FAAH2: variants seen among roughly 807,000 people sequenced by gnomAD.
FAAH2 encodes fatty-acid amide hydrolase 2.
FAAH2 carries 60 observed loss-of-function variants against 36.9 expected under a neutral mutation model. The observed-to-expected ratio is 1.63, with a 90% CI of 1.32 to 2.02. The LOEUF is 2.02. FAAH2 is among the 30% of genes most tolerant of loss of function. FAAH2 has a pLI of 0.00. For missense variants in FAAH2, 689 were observed against 397.5 expected (o/e 1.73, Z -6.23); for synonymous variants, 214 against 143.8 (o/e 1.49, Z -3.49).
intron 7 of FAAH2, among the ~76,000 whole-genome samples, chrX:57,383,569 C>T (rs1380718322): frequency 8.9e-6 from 1 of 111,738 alleles, no homozygotes; most frequent in African/African-American, 3.3e-5. Flanking sequence ...AACTCCCATT[C>T]ACAATTGCTT....
chrX:57,148,480 C>T, the FAAH2 span, among the ~76,000 whole-genome samples: 1 of 110,746 alleles, frequency 9.0e-6, no homozygotes, highest in South Asian at 3.9e-4. Flanking sequence ...TCCTTCACAT[C>T]CCTTGTAAGT....
intron 10 of FAAH2, among the ~76,000 whole-genome samples, chrX:57,463,873 T>A: frequency 9.0e-6 from 1 of 111,636 alleles, no homozygotes; most frequent in Admixed American, 9.5e-5. Context: ...GAACAAGAAA[T>A]ACCATTTGAC....
chrX:57,139,828 T>A, the FAAH2 span, among the ~76,000 whole-genome samples: 11 of 111,783 alleles, frequency 9.8e-5, no homozygotes, highest in Non-Finnish European at 1.9e-4. Context: ...AGGATTGCTT[T>A]GGCCATTCTG....
At chrX:57,137,243 G>C in the FAAH2 span, 1 of 761,094 alleles carries the variant, frequency 1.3e-6, no homozygotes, top group Non-Finnish European at 1.6e-6. Flanking sequence ...CGGGCCTCAC[G>C]TGCCGAAATC....
chrX:57,439,151 G>A (rs1602666399), intron 8 of FAAH2, among the ~76,000 whole-genome samples: 1 of 109,917 alleles, frequency 9.1e-6, no homozygotes. Context: ...GGTATTTCTA[G>A]TTCTAGATCC....
the FAAH2 span, among the ~76,000 whole-genome samples, chrX:57,184,424 C>T: frequency 1.8e-5 from 2 of 112,262 alleles, no homozygotes; most frequent in Admixed American, 9.4e-5. Flanking sequence ...GGTGGCCCAG[C>T]TGTAAAATTC....
intron 3 of FAAH2, among the ~76,000 whole-genome samples, chrX:57,322,605 C>T (rs995401165): frequency 9.9e-5 from 11 of 110,991 alleles, no homozygotes; most frequent in African/African-American, 3.6e-4. Flanking sequence ...TCTAATTTGC[C>T]TTCTTTCTCT....
chrX:57,285,673 T>C (rs1013775098), upstream of FAAH2, among the ~76,000 whole-genome samples: 22 of 111,178 alleles, frequency 2.0e-4, no homozygotes, highest in Non-Finnish European at 7.5e-5. Context: ...TTTCGGATAG[T>C]TGTTTGTCAG....
chrX:57,418,827 G>A (rs1200991641), intron 7 of FAAH2, among the ~76,000 whole-genome samples: 19 of 106,289 alleles, frequency 1.8e-4, no homozygotes, highest in East Asian at 9.0e-4. Context: ...CCATTAACTC[G>A]TCATTTAGCA....
chrX:57,278,359 A>G, the FAAH2 span, among the ~76,000 whole-genome samples: 2 of 111,926 alleles, frequency 1.8e-5, no homozygotes, highest in African/African-American at 6.5e-5. Context: ...TGGTGTTGGG[A>G]AAACTGTCTA....
At chrX:57,445,117 C>T (rs552505139) in intron 8 of FAAH2, among the ~76,000 whole-genome samples, 111 of 111,420 alleles carry the variant, frequency 1.0e-3, no homozygotes, top group African/African-American at 3.6e-3. Flanking sequence ...TTGGTTTGGC[C>T]CATCCTTATT....
chrX:57,131,392 T>C, the FAAH2 span, among the ~76,000 whole-genome samples: 1 of 111,910 alleles, frequency 8.9e-6, no homozygotes, highest in South Asian at 3.7e-4. Flanking sequence ...GCCGGGTCTA[T>C]TTCTTTTGGA....
the FAAH2 span, among the ~76,000 whole-genome samples, chrX:57,260,308 G>A: frequency 6.7e-3 from 749 of 111,290 alleles, 30 homozygotes; most frequent in Admixed American, 0.067. Context: ...TTTTCACCAA[G>A]GTACCAAGAC....
intron 10 of FAAH2, among the ~76,000 whole-genome samples, chrX:57,478,800 A>G (rs760005508): frequency 9.0e-6 from 1 of 111,432 alleles, no homozygotes; most frequent in African/African-American, 3.3e-5. Flanking sequence ...ATAGTGGTAG[A>G]TATGTGGCAT....
chrX:57,195,696 G>C, the FAAH2 span, among the ~76,000 whole-genome samples: 2 of 111,932 alleles, frequency 1.8e-5, no homozygotes, highest in African/African-American at 6.5e-5. Flanking sequence ...GTCTAGAAAA[G>C]GTTTTCTGAT....
At chrX:57,439,387 G>C (rs2056493195) in intron 8 of FAAH2, among the ~76,000 whole-genome samples, 2 of 111,872 alleles carry the variant, frequency 1.8e-5, no homozygotes, top group Non-Finnish European at 3.8e-5. Flanking sequence ...TTTTTTGACT[G>C]CATAAATGTC....
intron 5 of FAAH2, among the ~76,000 whole-genome samples, chrX:57,355,262 C>CT (rs955018152): frequency 2.8e-5 from 3 of 108,857 alleles, no homozygotes; most frequent in South Asian, 3.8e-4. Context: ...GCTTCTTTGT[C>CT]TTTTTTTTTA....
At chrX:57,422,213 A>G (rs1186551818) in intron 7 of FAAH2, among the ~76,000 whole-genome samples, 2 of 112,057 alleles carry the variant, frequency 1.8e-5, no homozygotes, top group Non-Finnish European at 3.8e-5. Flanking sequence ...ACAATAATCC[A>G]TTGTCATTCT....
intron 7 of FAAH2, among the ~76,000 whole-genome samples, chrX:57,420,872 C>G (rs1454712763): frequency 9.0e-6 from 1 of 111,475 alleles, no homozygotes; most frequent in Non-Finnish European, 1.9e-5. Context: ...ATAGATAGCT[C>G]TTATTATTTT....
Sources: allele counts gnomAD v4.1 joint callset (sites outside exome capture counted in the v4.1 genomes callset), GRCh38; gene constraint gnomAD v4.1.1; transcripts MANE v1.5; gene names NCBI Gene and HGNC (gene_info 2026-07-23, HGNC 2026-07-21).